The following NPHP3 variants were observed in gnomAD, a reference collection of about 807,000 sequenced individuals.
The protein encoded by NPHP3 is nephrocystin 3, also known as nephrocystin-3.
Under a neutral mutation model 171.9 loss-of-function variants are expected in NPHP3, and 123 were observed. That is an observed-to-expected ratio of 0.72 (90% CI 0.62 to 0.83). The LOEUF (loss-of-function observed/expected upper bound fraction) is 0.83. NPHP3 is among the 40% of genes least tolerant of loss of function. The pLI, the probability that NPHP3 is intolerant of heterozygous loss-of-function variation, is 0.00. For missense variants in NPHP3, 1,506 were observed against 1,591.9 expected (o/e 0.95, Z 0.92); for synonymous variants, 558 against 579.2 (o/e 0.96, Z 0.52).
In NPHP3 at chr3:132,704,250, A is replaced by G. The variant is rs748813819; in HGVS notation, c.1472T>C (p.Met491Thr). The G allele has an allele frequency of 5.6e-6, 9 of 1,614,138 alleles. No individual in the cohort carries two copies. The South Asian group carries it at 9.9e-5, about 18-fold the overall frequency. Residue 491 changes from methionine (M) to threonine (T), a missense_variant, in exon 9 of 27, where the codon ATG (methionine) becomes ACG (threonine). By Grantham distance (81) the Met-to-Thr change is moderately conservative (BLOSUM62 -1). Coordinates refer to ENST00000337331, the MANE Select transcript of NPHP3 (RefSeq NM_153240.5). Reference sequence around the variant, plus strand: ...ATTAGAAGCCTGCTGAAAAGTTTCCATTTGCTCTTGTTCATCATGTATGTC... The same window carrying G: ...ATTAGAAGCCTGCTGAAAAGTTTCCGTTTGCTCTTGTTCATCATGTATGTC... ...LWDIHDEQEQ[M>T]ETFQQASNSA...
rs550991261 is a variant in NPHP3 at position 132,713,234 on chromosome 3, T to C, written c.1010A>G (p.His337Arg). 3.1e-6 allele frequency: 5 copies of C among 1,602,344 alleles called. No individual in the cohort carries two copies. Among genetic ancestry groups the C allele is most frequent in the South Asian group, 1.1e-5 (1 of 89,322 alleles). Residue 337 changes from histidine to arginine, a missense_variant, in exon 6 of 27, where the codon CAT (histidine) becomes CGT (arginine). By Grantham distance (29) the His-to-Arg change is conservative (BLOSUM62 0). Around this residue, in one of 3 missense-constraint regions of NPHP3, gnomAD observed 930 missense variants for 924.9 expected, o/e 1.01. Transcript: ENST00000337331. ...AACATCTATTGGAAAATAAACAGCA[T>C]GGAAAAAATATCCCATTGTCTCGCA... is the stretch of plus-strand genomic sequence containing the variant. ...RMCETMGYFF[H>R]AVYFPIDVEN...
At chr3:132,682,236 A>G in intron 26 of NPHP3, 146 bp from the exon 27 acceptor site, 2 of 702,478 alleles carry the variant, frequency 2.8e-6, no homozygotes, top group Non-Finnish European at 2.5e-6. Flanking sequence ...CAGACCAGTA[A>G]AACAACACCC....
intron 5 of NPHP3, among the ~76,000 whole-genome samples, chr3:132,714,529 G>A (rs1342576404): frequency 1.3e-5 from 2 of 150,410 alleles, no homozygotes; most frequent in Non-Finnish European, 2.9e-5. Context: ...ACAAGCCTAG[G>A]CAACACAATG....
chr3:132,719,621 T>C (rs1940148965), intron 2 of NPHP3, 84 bp downstream of exon 2: 4 of 888,730 alleles, frequency 4.5e-6, no homozygotes, highest in Non-Finnish European at 6.2e-6. Context: ...TTCTATTTAT[T>C]CATCGCATTA....
chr3:132,691,541 G>C lies in NPHP3; in HGVS notation c.2476-255C>G, dbSNP rs146120254. Among the ~76,000 whole-genome samples, 269 of 152,120 alleles carry C rather than the reference G, an allele frequency of 1.8e-3. 3 individuals carry two copies. Among genetic ancestry groups the C allele is most frequent in the African/African-American group, 6.2e-3 (258 of 41,486 alleles). Reference sequence around the variant, plus strand: ...AGTTAATACATTAAAAATCTCAGAAGTGTGGAATGAAAAGTTACTAAAAAG... The same window carrying C: ...AGTTAATACATTAAAAATCTCAGAACTGTGGAATGAAAAGTTACTAAAAAG... On this transcript the variant is annotated intron_variant, in intron 17 of 26. Transcript: ENST00000337331.
chr3:132,717,986 C>G (rs1940102055), intron 3 of NPHP3: 1 of 410,104 alleles, frequency 2.4e-6, no homozygotes, highest in Admixed American at 2.9e-5. Flanking sequence ...GATCTTTTGA[C>G]CTCGTGATCC....
At position 132,701,440 on chromosome 3, in the gene NPHP3, A is replaced by G. The variant is rs1346281529; in HGVS notation, c.1618T>C (p.Leu540=). ...TGCACTGCATCATACCACTTTGATA[A>G]AAGAAGAGACTTCCCAGAACCTGGT... The part of the protein sequence containing the change: ...GGPGSGKSLL[L]SKWIQLQQKN... Residue 540 remains leucine (L), a synonymous_variant, in exon 10 of 27, where the codon TTA becomes CTA. Coordinates refer to ENST00000337331, the MANE Select transcript of NPHP3 (RefSeq NM_153240.5). The G allele has an allele frequency of 6.2e-7, 1 of 1,606,972 alleles. No homozygotes were observed. The highest frequency in any genetic ancestry group is 8.5e-7 in the Non-Finnish European group (1 of 1,173,520).
chr3:132,700,257 C>A, intron 11 of NPHP3, 77 bp downstream of exon 11: 2 of 1,222,996 alleles, frequency 1.6e-6, no homozygotes, highest in Non-Finnish European at 2.4e-6. Flanking sequence ...AATTGGTTTA[C>A]CAGTAGGTAC....
At chr3:132,702,570 G>A (rs991414360) in intron 9 of NPHP3, among the ~76,000 whole-genome samples, 3 of 152,108 alleles carry the variant, frequency 2.0e-5, no homozygotes, top group African/African-American at 7.2e-5. Flanking sequence ...GTGTACCAGT[G>A]GTCTAAATGA....
chr3:132,688,912 A>T lies in NPHP3; in HGVS notation c.2884-21T>A, dbSNP rs879101354. ...ATGGCCTGGGGGGAAAAGGGGTGAA[A>T]GGCCAGTTAAAGTGAGTGAAATGCT... On this transcript the variant is annotated intron_variant, in intron 20 of 26. Coordinates refer to ENST00000337331, the MANE Select transcript of NPHP3 (RefSeq NM_153240.5). 7 of 1,614,024 alleles carry T rather than the reference A, an allele frequency of 4.3e-6. No homozygotes were observed. The South Asian group carries it at 5.5e-5, about 13-fold the overall frequency.
chr3:132,694,997 A>T (rs771800874), intron 15 of NPHP3, 32 bp from the exon 16 acceptor site: 2 of 1,611,684 alleles, frequency 1.2e-6, no homozygotes, highest in East Asian at 4.5e-5. Context: ...TTAATTTCTT[A>T]CAGATTGCCA....
intron 15 of NPHP3, 108 bp downstream of exon 15, chr3:132,696,623 T>A: frequency 1.1e-6 from 1 of 932,074 alleles, no homozygotes; most frequent in South Asian, 1.3e-5. Context: ...AAAATCTGAG[T>A]GGCTCAACAG....
rs868721591 is a variant in NPHP3 at position 132,699,716 on chromosome 3, T to C, written c.1887+202A>G. Among the ~76,000 whole-genome samples the C allele has an allele frequency of 3.3e-5, 5 of 152,234 alleles. 1 individual carries two copies. In the South Asian group the frequency reaches 1.0e-3, roughly 32 times the overall value. On this transcript the variant is annotated intron_variant, in intron 12 of 26. Transcript: ENST00000337331. The stretch of plus-strand genomic sequence containing the variant: ...GTCTTTGTTAATTGTGTAAATTCAG[T>C]TGGTCTTTCTTAATAAGATATTAGT...
chr3:132,720,269 A>C (rs1244399313), intron 1 of NPHP3, among the ~76,000 whole-genome samples: 2 of 152,250 alleles, frequency 1.3e-5, no homozygotes, highest in South Asian at 2.1e-4. Flanking sequence ...GCAAGTCTCC[A>C]GTAAATGTCT....
chr3:132,694,793 T>A, intron 16 of NPHP3, 34 bp downstream of exon 16: 3 of 1,608,208 alleles, frequency 1.9e-6, no homozygotes, highest in Non-Finnish European at 2.5e-6. Context: ...CAAAGCAAAC[T>A]AACATTCCTT....
At chr3:132,683,585 C>CT in intron 24 of NPHP3, 61 bp from the exon 25 acceptor site, 3 of 1,378,008 alleles carry the variant, frequency 2.2e-6, no homozygotes, top group Non-Finnish European at 3.0e-6. Flanking sequence ...CTTATCAGAG[C>CT]TTTTTCCATA....
At position 132,699,963 on chromosome 3, in the gene NPHP3, A is replaced by C. The variant is rs1372222074; in HGVS notation, c.1842T>G (p.His614Gln). The C allele has an allele frequency of 6.2e-7, 1 of 1,614,098 alleles. No individual in the cohort carries two copies. Among genetic ancestry groups the C allele is most frequent in the Non-Finnish European group, 8.5e-7 (1 of 1,180,044 alleles). Residue 614 changes from histidine (H) to glutamine (Q), a missense_variant, in exon 12 of 27, where the codon CAT becomes CAG. Physicochemically the swap from His to Gln is conservative, Grantham distance 24. This residue lies in a region of NPHP3 where 930 missense variants were observed against 924.9 expected (regional missense o/e 1.01). Transcript: ENST00000337331. ...PRWLEKLSAR[H>Q]QGSIIIVIDS... ...CAATAACGATGATGATGCTGCCTTG[A>C]TGACGAGCAGAGAGTTTTTCCAGCC... is the stretch of plus-strand genomic sequence containing the variant.
At chr3:132,687,250 C>A in intron 21 of NPHP3, 24 bp from the exon 22 acceptor site, 4 of 1,023,640 alleles carry the variant, frequency 3.9e-6, no homozygotes, top group South Asian at 3.8e-5. Flanking sequence ...TACAGTAAGT[C>A]AAACAAAAGA....
At position 132,713,254 on chromosome 3, in the gene NPHP3, C is replaced by T; in HGVS notation, c.990G>A (p.Glu330=). The T allele has an allele frequency of 6.2e-7, 1 of 1,604,266 alleles. No individual in the cohort carries two copies. Among genetic ancestry groups the T allele is most frequent in the South Asian group, 1.1e-5 (1 of 89,380 alleles). Residue 330 remains glutamate, a synonymous_variant, in exon 6 of 27, where the codon GAG becomes GAA. Transcript: ENST00000337331. The part of the protein sequence containing the change: ...DYSPKLKRMC[E]TMGYFFHAVY... ...CAGCATGGAAAAAATATCCCATTGT[C>T]TCGCACATTCTCTTAAGTTTAGGTG...
Sources: gnomAD v4.1 joint callset for allele counts (sites outside exome capture counted in the v4.1 genomes callset) on GRCh38, gnomAD v4.1.1 for gene constraint, gnomAD v4.1.1 regional missense constraint, MANE v1.5 for transcripts, NCBI Gene and HGNC (gene_info 2026-07-23, HGNC 2026-07-21) for gene names.